Variants in STXBP4 observed in about 807,000 individuals in gnomAD.
STXBP4 encodes syntaxin binding protein 4.
Under a neutral mutation model 76.1 loss-of-function variants are expected in STXBP4, and 55 were observed. The observed-to-expected ratio is 0.72, with a 90% CI of 0.58 to 0.91. The LOEUF (loss-of-function observed/expected upper bound fraction) is 0.91, where lower values mean the gene tolerates loss of function less well. STXBP4 is among the 40% of genes least tolerant of loss of function. The probability of loss-of-function intolerance (pLI) is 0.00; values close to 1 mark genes in which losing one functional copy is unlikely to be tolerated. For synonymous variants in STXBP4, 201 were observed against 220.2 expected, an observed-to-expected ratio of 0.91 and a Z score of 0.77; for missense variants, 618 against 636.9, an observed-to-expected ratio of 0.97 and a Z score of 0.32.
At chr17:55,006,742 A>G (rs2078014804) in intron 7 of STXBP4, among the ~76,000 whole-genome samples, 1 of 152,218 alleles carries the variant, frequency 6.6e-6, no homozygotes, top group African/African-American at 2.4e-5. Flanking sequence ...TTTTTAGCTC[A>G]AAGTACAGAA....
chr17:55,069,169 A>T (rs547662005), intron 12 of STXBP4, among the ~76,000 whole-genome samples: 64 of 152,080 alleles, frequency 4.2e-4, no homozygotes, highest in East Asian at 2.1e-3. Context: ...AAAAAAAAAA[A>T]AAATAAGCTA....
intron 16 of STXBP4, among the ~76,000 whole-genome samples, chr17:55,094,857 AT>A (rs764863215): frequency 6.6e-6 from 1 of 152,228 alleles, no homozygotes; most frequent in East Asian, 1.9e-4. Context: ...TCAGGAAGCC[AT>A]GATGTTCCTA....
At chr17:54,995,370 G>A (rs2077783646) in intron 4 of STXBP4, among the ~76,000 whole-genome samples, 1 of 152,108 alleles carries the variant, frequency 6.6e-6, no homozygotes, top group Admixed American at 6.5e-5. Context: ...GTAACATAGG[G>A]AAAGCAGACA....
chr17:55,036,471 T>G (rs2078604708), intron 10 of STXBP4, among the ~76,000 whole-genome samples: 1 of 151,724 alleles, frequency 6.6e-6, no homozygotes, highest in African/African-American at 2.4e-5. Context: ...TTAAATTTAT[T>G]TGGTTTTACA....
At chr17:55,154,331 T>C (rs1487816656) in intron 17 of STXBP4, among the ~76,000 whole-genome samples, 2 of 152,220 alleles carry the variant, frequency 1.3e-5, no homozygotes, top group African/African-American at 4.8e-5. Context: ...AGCTGGGAAA[T>C]GTAGTCTCTG....
intron 11 of STXBP4, among the ~76,000 whole-genome samples, chr17:55,045,387 C>CT (rs1385941187): frequency 6.6e-6 from 1 of 151,960 alleles, no homozygotes; most frequent in Non-Finnish European, 1.5e-5. Flanking sequence ...AATAAGATAA[C>CT]TTTTTATGTA....
Position 55,072,979 on chromosome 17 carries a change from A to G in STXBP4, c.1091A>G (p.His364Arg), listed in dbSNP as rs1458228643. The part of the protein sequence containing the change: ...HLAEAAQRQA[H>R]GMEMDYEEVI... ...GCTGAAGCTGCTCAGAGACAGGCACATGGAATGGAAATGGACTATGAAGAA... is the reference window on the plus strand; with the variant it reads ...GCTGAAGCTGCTCAGAGACAGGCACGTGGAATGGAAATGGACTATGAAGAA... Residue 364 changes from histidine to arginine, a missense_variant, in exon 13 of 18, where the codon CAT (histidine) becomes CGT (arginine). By Grantham distance (29) the His-to-Arg change is conservative. Transcript: ENST00000376352. The G allele has an allele frequency of 2.5e-6, 4 of 1,613,914 alleles. No individual in the cohort carries two copies. The highest frequency in any genetic ancestry group is 1.7e-5 in the Admixed American group (1 of 59,994).
chr17:55,192,807 T>G, the STXBP4 span, among the ~76,000 whole-genome samples: 1 of 152,170 alleles, frequency 6.6e-6, no homozygotes, highest in Non-Finnish European at 1.5e-5. Flanking sequence ...CAGTATGTAG[T>G]GAAGGCTGGA....
At chr17:55,001,585 A>T (rs1466943068) in intron 7 of STXBP4, among the ~76,000 whole-genome samples, 1 of 152,158 alleles carries the variant, frequency 6.6e-6, no homozygotes, top group African/African-American at 2.4e-5. Context: ...TATAAGGTAA[A>T]TTTTTACCTG....
chr17:55,173,223 G>A lies in STXBP4; in HGVS notation c.*13312G>A, dbSNP rs1338978453. The stretch of plus-strand genomic sequence containing the variant: ...AAAGTGACTTTTGGGGGAGTGCAGA[G>A]TTCTATGAATTTTTAACACATGTCT... On this transcript the variant is annotated 3_prime_UTR_variant, in exon 18 of 18. Coordinates refer to ENST00000376352, the MANE Select transcript of STXBP4 (RefSeq NM_178509.6). The A allele has an allele frequency of 6.6e-6, 1 of 152,120 alleles. No individual in the cohort carries two copies. 9.4% of individuals were successfully genotyped at this position (152,120 alleles called of 1,614,324 possible). A position where few individuals can be genotyped will look rare whatever the true frequency, so the allele number is the denominator to read the frequency against.
intron 16 of STXBP4, among the ~76,000 whole-genome samples, chr17:55,094,169 A>AG (rs2079453483): frequency 6.6e-6 from 1 of 151,064 alleles, no homozygotes; most frequent in Non-Finnish European, 1.5e-5. Context: ...GGACAGGAAA[A>AG]AAAAAAAAAA....
intron 13 of STXBP4, among the ~76,000 whole-genome samples, chr17:55,073,775 C>A (rs1020551789): frequency 6.6e-6 from 1 of 152,088 alleles, no homozygotes; most frequent in Non-Finnish European, 1.5e-5. Context: ...GTTACAGACA[C>A]CTGCCACCAC....
intron 16 of STXBP4, among the ~76,000 whole-genome samples, chr17:55,110,668 A>C (rs1383315714): frequency 6.6e-6 from 1 of 152,078 alleles, no homozygotes; most frequent in Non-Finnish European, 1.5e-5. Flanking sequence ...TAACTATTCA[A>C]CTCTGCCATT....
rs2080377911 is a variant in STXBP4 at position 55,166,424 on chromosome 17, C to T, written c.*6513C>T. On this transcript the variant is annotated 3_prime_UTR_variant, in exon 18 of 18. Coordinates refer to ENST00000376352, the MANE Select transcript of STXBP4 (RefSeq NM_178509.6). Reference sequence around the variant, plus strand: ...TCTATAACACAAAATTGCTTCTATTCCTCCCTTGCTAGTCTTCAGTAGTTC... The same window carrying T: ...TCTATAACACAAAATTGCTTCTATTTCTCCCTTGCTAGTCTTCAGTAGTTC... The T allele has an allele frequency of 6.6e-6, 1 of 152,158 alleles. No individual in the cohort carries two copies. Among genetic ancestry groups the T allele is most frequent in the Non-Finnish European group, 1.5e-5 (1 of 68,024 alleles). The allele number at this position is 152,158 out of a possible 1,614,324, so 9.4% of individuals were successfully genotyped here.
Position 55,166,579 on chromosome 17 carries a change from C to G in STXBP4, c.*6668C>G, listed in dbSNP as rs1234955050. The G allele has an allele frequency of 6.6e-6, 1 of 152,232 alleles. No homozygotes were observed. Among genetic ancestry groups the G allele is most frequent in the African/African-American group, 2.4e-5 (1 of 41,446 alleles). The allele number at this position is 152,232 out of a possible 1,614,324, so 9.4% of individuals were successfully genotyped here. A position where few individuals can be genotyped will look rare whatever the true frequency, so the allele number is the denominator to read the frequency against. ...GCCCCATTCCTGCATCAGATTTCTTCTCATACATCAAGATTCTGCTCTCAT... is the reference window on the plus strand; with the variant it reads ...GCCCCATTCCTGCATCAGATTTCTTGTCATACATCAAGATTCTGCTCTCAT... On this transcript the variant is annotated 3_prime_UTR_variant, in exon 18 of 18. Coordinates refer to ENST00000376352, the MANE Select transcript of STXBP4 (RefSeq NM_178509.6).
intron 1 of STXBP4, among the ~76,000 whole-genome samples, chr17:54,969,819 A>T (rs898189668): frequency 1.3e-5 from 2 of 152,230 alleles, no homozygotes; most frequent in African/African-American, 4.8e-5. Context: ...GCACAGAACA[A>T]GTCGGGAGAT....
In STXBP4 at chr17:55,144,005, GCACACACACACACACACA is replaced by G. The variant is rs61300425; in HGVS notation, c.1547+2666_1547+2683del. On this transcript the variant is annotated intron_variant, in intron 17 of 17. Transcript: ENST00000376352. ...GGGTTGTCTGGCCCCAAAGCCACCTGCACACACACACACACACACACACACACACACACACACACACAC... is the reference window on the plus strand; with the variant it reads ...GGGTTGTCTGGCCCCAAAGCCACCTGCACACACACACACACACACACACAC... 4.2e-3 allele frequency among the ~76,000 whole-genome samples: 581 copies of G among 138,934 alleles called. 5 individuals are homozygous for G. Among genetic ancestry groups the G allele is most frequent in the South Asian group, 0.028 (115 of 4,130 alleles). 91.1% of individuals were successfully genotyped at this position (138,934 alleles called of 152,430 possible). A position where few individuals can be genotyped will look rare whatever the true frequency, so the allele number is the denominator to read the frequency against.
chr17:55,077,523 A>G (rs558419312), intron 13 of STXBP4, among the ~76,000 whole-genome samples: 28 of 152,164 alleles, frequency 1.8e-4, no homozygotes, highest in African/African-American at 6.3e-4. Context: ...TCTGTTTTCC[A>G]TTTGTGACTG....
the STXBP4 span, among the ~76,000 whole-genome samples, chr17:55,208,601 GGAAGGAAA>G: frequency 8.0e-5 from 12 of 149,128 alleles, no homozygotes; most frequent in African/African-American, 3.0e-4. Context: ...AAGGAAGGAA[GGAAGGAAA>G]GAGAGAGGGA....
Sources: gnomAD v4.1 joint callset for allele counts (sites outside exome capture counted in the v4.1 genomes callset) on GRCh38, gnomAD v4.1.1 for gene constraint, MANE v1.5 for transcripts, NCBI Gene and HGNC (gene_info 2026-07-23, HGNC 2026-07-21) for gene names.